Variants in DDHD1 observed in about 807,000 individuals in gnomAD.
DDHD1 encodes the protein DDHD domain containing 1.
In DDHD1, 49 loss-of-function variants were observed where a neutral mutation model predicts 96.4. That is an observed-to-expected ratio of 0.51 (90% CI 0.40 to 0.64). The LOEUF is 0.64. Among genes scored for constraint, DDHD1 ranks in the 30% least tolerant of loss-of-function variants. The pLI is 0.00. For missense variants in DDHD1, 1,106 were observed against 1,161.2 expected (o/e 0.95, Z 0.69); for synonymous variants, 442 against 446.5 (o/e 0.99, Z 0.13).
rs150256803 is a variant in DDHD1, at chr14:53,090,104, C to G, written c.1289+1681G>C. ...TTCTCAAAAGAAGACATTTATGCAG[C>G]CAACAGACACATGAAAAAATGCTCA... On this transcript the variant is annotated intron_variant, in intron 4 of 12. Transcript: ENST00000673822. Among the ~76,000 whole-genome samples the G allele has an allele frequency of 1.1e-3, 173 of 152,236 alleles. 1 individual carries two copies. Among genetic ancestry groups the G allele is most frequent in the African/African-American group, 3.6e-3 (150 of 41,538 alleles).
chr14:53,038,023 G>C lies in DDHD1; in HGVS notation c.*8745C>G, dbSNP rs1466870059. Reference sequence around the variant, plus strand: ...TCCCTCATGATAAAACCCCTCAACAGACTAGGTATCAAAGGAACATATCTC... The same window carrying C: ...TCCCTCATGATAAAACCCCTCAACACACTAGGTATCAAAGGAACATATCTC... On this transcript the variant is annotated 3_prime_UTR_variant, in exon 13 of 13. Coordinates refer to ENST00000673822, the MANE Select transcript of DDHD1 (RefSeq NM_001160148.2). The C allele has an allele frequency of 1.3e-5, 2 of 151,896 alleles. No individual in the cohort carries two copies. The highest frequency in any genetic ancestry group is 3.9e-4 in the East Asian group (2 of 5,172). 9.4% of individuals were successfully genotyped at this position (151,896 alleles called of 1,614,324 possible). A position where few individuals can be genotyped will look rare whatever the true frequency, so the allele number is the denominator to read the frequency against.
At chr14:53,127,078 CAT>C (rs952956621) in intron 1 of DDHD1, among the ~76,000 whole-genome samples, 11 of 152,178 alleles carry the variant, frequency 7.2e-5, no homozygotes, top group Admixed American at 4.6e-4. Flanking sequence ...AACGCTTGAA[CAT>C]ATGTTTTTTT....
At chr14:53,060,598 C>T (rs1883461153) in intron 8 of DDHD1, among the ~76,000 whole-genome samples, 1 of 152,148 alleles carries the variant, frequency 6.6e-6, no homozygotes, top group African/African-American at 2.4e-5. Flanking sequence ...TTTTTTCTCA[C>T]CACTGACCAA....
At chr14:53,054,059 C>T (rs1882831382) in intron 11 of DDHD1, 1 of 161,388 alleles carries the variant, frequency 6.2e-6, no homozygotes, top group Non-Finnish European at 1.3e-5. Flanking sequence ...GTCTCAAGAC[C>T]AGATACAGCA....
At chr14:53,141,385 C>G (rs569923983) in intron 1 of DDHD1, among the ~76,000 whole-genome samples, 1 of 152,142 alleles carries the variant, frequency 6.6e-6, no homozygotes, top group Non-Finnish European at 1.5e-5. Flanking sequence ...GGTTTATGAA[C>G]TAACAGAATT....
intron 1 of DDHD1, among the ~76,000 whole-genome samples, chr14:53,121,206 G>C (rs977002232): frequency 3.9e-5 from 6 of 152,168 alleles, no homozygotes; most frequent in African/African-American, 7.2e-5. Flanking sequence ...AGTCATTAGA[G>C]GAATGCAAAT....
chr14:53,101,866 G>C (rs186968237), intron 2 of DDHD1, among the ~76,000 whole-genome samples: 15 of 151,884 alleles, frequency 9.9e-5, no homozygotes, highest in Admixed American at 9.2e-4. Context: ...GCAGAATCTA[G>C]AGAAGAAACA....
At chr14:53,122,459 G>C (rs1889067127) in intron 1 of DDHD1, among the ~76,000 whole-genome samples, 1 of 152,148 alleles carries the variant, frequency 6.6e-6, no homozygotes, top group Non-Finnish European at 1.5e-5. Flanking sequence ...AACCTTGAGA[G>C]GGAATGTCTC....
At position 53,110,550 on chromosome 14, in the gene DDHD1, T is replaced by G. The variant is rs1335266737; in HGVS notation, c.839-6694A>C. 4.6e-5 allele frequency among the ~76,000 whole-genome samples: 7 copies of G among 152,362 alleles called. 1 individual carries two copies. The highest frequency in any genetic ancestry group is 1.0e-4 in the Non-Finnish European group (7 of 68,036). The stretch of plus-strand genomic sequence containing the variant: ...AAAGCCTTTCTTCACCTTCTATGAT[T>G]TCACTGAAATAATTCTGTACATGTC... On this transcript the variant is annotated intron_variant, in intron 1 of 12. Coordinates refer to ENST00000673822, the MANE Select transcript of DDHD1 (RefSeq NM_001160148.2).
At chr14:53,070,425 C>T (rs1027050153) in intron 6 of DDHD1, among the ~76,000 whole-genome samples, 1 of 152,146 alleles carries the variant, frequency 6.6e-6, no homozygotes, top group Non-Finnish European at 1.5e-5. Context: ...ATTTCAAGAC[C>T]ACTTAATTCT....
At chr14:53,131,738 A>G (rs1224455553) in intron 1 of DDHD1, among the ~76,000 whole-genome samples, 1 of 152,090 alleles carries the variant, frequency 6.6e-6, no homozygotes, top group Non-Finnish European at 1.5e-5. Context: ...TTCTCAACTT[A>G]TTAAGCATTT....
intron 2 of DDHD1, among the ~76,000 whole-genome samples, chr14:53,098,495 G>A (rs1887056434): frequency 6.6e-6 from 1 of 150,718 alleles, no homozygotes; most frequent in Non-Finnish European, 1.5e-5. Flanking sequence ...CAACCCCAGG[G>A]AAGCAGTCTT....
intron 11 of DDHD1, 73 bp from the exon 12 acceptor site, chr14:53,052,000 C>T (rs1595084860): frequency 9.2e-7 from 1 of 1,085,972 alleles, no homozygotes; most frequent in Non-Finnish European, 1.4e-6. Flanking sequence ...GATGTAGTGG[C>T]CAAAAGTTAG....
chr14:53,093,269 T>A (rs367934912), intron 3 of DDHD1, 47 bp downstream of exon 3: 7 of 1,568,250 alleles, frequency 4.5e-6, no homozygotes, highest in African/African-American at 1.4e-5. Context: ...TGAGAGAAAG[T>A]CAGATTCCCA....
At chr14:53,085,754 C>T (rs1566551056) in intron 4 of DDHD1, among the ~76,000 whole-genome samples, 1 of 152,144 alleles carries the variant, frequency 6.6e-6, no homozygotes. Flanking sequence ...TCCAAAGGAT[C>T]GCAGCTCCTC....
chr14:53,124,575 C>T (rs1889290285), intron 1 of DDHD1, among the ~76,000 whole-genome samples: 1 of 152,124 alleles, frequency 6.6e-6, no homozygotes, highest in Non-Finnish European at 1.5e-5. Flanking sequence ...CTAAATAATG[C>T]TTCAACAAGG....
intron 1 of DDHD1, among the ~76,000 whole-genome samples, chr14:53,114,709 C>G (rs1226851068): frequency 1.3e-5 from 2 of 152,152 alleles, no homozygotes; most frequent in Non-Finnish European, 2.9e-5. Flanking sequence ...ACACAAAAAC[C>G]CCATCCAAAG....
chr14:53,082,597 A>G (rs536436176), intron 4 of DDHD1, among the ~76,000 whole-genome samples: 83 of 152,014 alleles, frequency 5.5e-4, no homozygotes, highest in African/African-American at 2.0e-3. Context: ...TGTCTCTACT[A>G]AAAATACAAA....
At chr14:53,061,371 T>C (rs1411939936) in intron 7 of DDHD1, 170 bp from the exon 8 acceptor site, 1 of 502,178 alleles carries the variant, frequency 2.0e-6, no homozygotes, top group East Asian at 3.4e-5. Flanking sequence ...AGAAAGTATA[T>C]AAAAATTTAT....
Sources: gnomAD v4.1 joint callset for allele counts (sites outside exome capture counted in the v4.1 genomes callset) on GRCh38, gnomAD v4.1.1 for gene constraint, MANE v1.5 for transcripts, NCBI Gene and HGNC (gene_info 2026-07-23, HGNC 2026-07-21) for gene names.